The following CCDC88A variants were observed in gnomAD, a reference collection of about 807,000 sequenced individuals.
The protein encoded by CCDC88A is girdin.
In CCDC88A, 54 loss-of-function variants were observed where a neutral mutation model predicts 234.3. The ratio of observed to expected loss-of-function variants is 0.23; its 90% CI spans 0.19 to 0.29. The LOEUF (loss-of-function observed/expected upper bound fraction) is 0.29, where lower values mean the gene tolerates loss of function less well. Ranked by LOEUF, CCDC88A falls within the 10% of genes least tolerant of loss-of-function variation. CCDC88A has a pLI of 1.00. For missense variants in CCDC88A, 1,832 were observed against 2,123.4 expected, an observed-to-expected ratio of 0.86 and a Z score of 2.70; for synonymous variants, 753 against 737.8, an observed-to-expected ratio of 1.02 and a Z score of -0.33.
intron 15 of CCDC88A, among the ~76,000 whole-genome samples, chr2:55,333,647 T>C (rs956638980): frequency 6.6e-6 from 1 of 152,124 alleles, no homozygotes; most frequent in Non-Finnish European, 1.5e-5. Flanking sequence ...TTGTAAAGAT[T>C]ATGTGCATGT....
chr2:55,343,873 T>A, intron 11 of CCDC88A, 81 bp from the exon 12 acceptor site: 2 of 1,175,652 alleles, frequency 1.7e-6, no homozygotes, highest in Non-Finnish European at 2.3e-6. Flanking sequence ...TTCTCACAAC[T>A]TTTATTTATC....
Position 55,344,350 on chromosome 2 carries a change from C to A in CCDC88A, c.1188+18G>T. 7 of 1,538,844 alleles carry A rather than the reference C, an allele frequency of 4.5e-6. No individual in the cohort carries two copies. The highest frequency in any genetic ancestry group is 6.1e-6 in the Non-Finnish European group (7 of 1,140,536). ...TTTCCTTAAAGGCCATGTAACTGAT[C>A]TACCTCTTAAAACTTACCATTTCCA... is the stretch of plus-strand genomic sequence containing the variant. On this transcript the variant is annotated intron_variant, in intron 11 of 32. Transcript: ENST00000436346.
At chr2:55,339,863 T>C (rs1461289479) in intron 12 of CCDC88A, 5 of 396,626 alleles carry the variant, frequency 1.3e-5, no homozygotes, top group South Asian at 4.8e-5. Context: ...ACGGGGTCTC[T>C]CTCTGTCACC....
chr2:55,304,111 C>A (rs745486058), intron 25 of CCDC88A, among the ~76,000 whole-genome samples: 4 of 151,012 alleles, frequency 2.6e-5, no homozygotes, highest in Non-Finnish European at 4.4e-5. Context: ...GCGTTCAAGA[C>A]CAGCCTGGGC....
In CCDC88A at chr2:55,289,046, T is replaced by C. The variant is rs970643482; in HGVS notation, c.*2154A>G. 6.5e-6 allele frequency: 1 copy of C among 152,678 alleles called. No homozygotes were observed. Among genetic ancestry groups the C allele is most frequent in the Non-Finnish European group, 1.5e-5 (1 of 68,040 alleles). 9.5% of individuals were successfully genotyped at this position (152,678 alleles called of 1,614,324 possible). ...CAATGTGTTCCCTTGGTTGTCTCTT[T>C]AATTGTCCCTTCTCAGGGTCAGCCT... On this transcript the variant is annotated 3_prime_UTR_variant, in exon 33 of 33. Transcript: ENST00000436346.
At chr2:55,397,682 G>T (rs1439176745) in intron 2 of CCDC88A, among the ~76,000 whole-genome samples, 1 of 151,772 alleles carries the variant, frequency 6.6e-6, no homozygotes, top group African/African-American at 2.4e-5. Flanking sequence ...CCTTTAAAGT[G>T]ATTTTTTTCA....
Position 55,328,157 on chromosome 2 carries a change from C to G in CCDC88A, c.2997+137G>C, listed in dbSNP as rs142806114. 1,817 of 699,474 alleles carry G rather than the reference C, an allele frequency of 2.6e-3. 5 individuals carry two copies. The highest frequency in any genetic ancestry group is 2.7e-3 in the Non-Finnish European group (1,168 of 429,810). 43.3% of individuals were successfully genotyped at this position (699,474 alleles called of 1,614,324 possible). Reference sequence around the variant, plus strand: ...TGACAGAGATCTGTTTAAGAATATTCTCAAGTTTATGAAAAAGGAAGAAAT... The same window carrying G: ...TGACAGAGATCTGTTTAAGAATATTGTCAAGTTTATGAAAAAGGAAGAAAT... On this transcript the variant is annotated intron_variant, in intron 17 of 32. Coordinates refer to ENST00000436346, the MANE Select transcript of CCDC88A (RefSeq NM_001365480.1). This position sits in a 1 kb window ranked among gnomAD's most constrained non-coding sequence, Gnocchi z 4.3.
chr2:55,358,750 A>C (rs1050513587), intron 7 of CCDC88A, among the ~76,000 whole-genome samples: 1 of 151,792 alleles, frequency 6.6e-6, no homozygotes, highest in Non-Finnish European at 1.5e-5. Context: ...TATGTTCTTC[A>C]AAGATATACA....
intron 3 of CCDC88A, 129 bp downstream of exon 3, chr2:55,388,649 C>T: frequency 4.0e-6 from 2 of 498,632 alleles, no homozygotes; most frequent in Non-Finnish European, 7.1e-6. Context: ...ATTTACTACT[C>T]TAACTCTAGC....
At chr2:55,292,573 A>G (rs1395581115) in intron 31 of CCDC88A, 1 of 152,214 alleles carries the variant, frequency 6.6e-6, no homozygotes, top group Non-Finnish European at 1.5e-5. Flanking sequence ...ATGCTATGAA[A>G]AAACGTTGAT....
Position 55,317,375 on chromosome 2 carries a change from TATA to T in CCDC88A, c.3603-29_3603-27del, listed in dbSNP as rs1403589929. On this transcript the variant is annotated intron_variant, in intron 20 of 32. Transcript: ENST00000436346. The surrounding 1 kb of genome is among the most constrained non-coding windows in gnomAD (Gnocchi z 4.2). Reference sequence around the variant, plus strand: ...CTGGGGGGAAAAAAGGCATTTGGTTTATAATATTTACAAAAAAGAAATTTTAGA... The same window carrying T: ...CTGGGGGGAAAAAAGGCATTTGGTTTATATTTACAAAAAAGAAATTTTAGA... The T allele has an allele frequency of 7.0e-7, 1 of 1,424,432 alleles. No individual in the cohort carries two copies. Among genetic ancestry groups the T allele is most frequent in the Non-Finnish European group, 9.3e-7 (1 of 1,077,564 alleles). 88.2% of individuals were successfully genotyped at this position (1,424,432 alleles called of 1,614,324 possible).
In CCDC88A at chr2:55,335,588, T is replaced by C. The variant is rs1288588938; in HGVS notation, c.1657-424A>G. On this transcript the variant is annotated intron_variant, in intron 14 of 32. Transcript: ENST00000436346. This position sits in a 1 kb window ranked among gnomAD's most constrained non-coding sequence, Gnocchi z 4.5. ...ATGCCTACAGTGGGTCCTCAGTAAATATGTGCTGTATTACATGTGTATATA... is the reference window on the plus strand; with the variant it reads ...ATGCCTACAGTGGGTCCTCAGTAAACATGTGCTGTATTACATGTGTATATA... Among the ~76,000 whole-genome samples the C allele has an allele frequency of 1.3e-5, 2 of 152,194 alleles. No individual in the cohort carries two copies. Among genetic ancestry groups the C allele is most frequent in the African/African-American group, 4.8e-5 (2 of 41,452 alleles).
At position 55,335,174 on chromosome 2, in the gene CCDC88A, A is replaced by G; in HGVS notation, c.1657-10T>C. 6.9e-7 allele frequency: 1 copy of G among 1,442,572 alleles called. No homozygotes were observed. The highest frequency in any genetic ancestry group is 1.9e-4 in the Middle Eastern group (1 of 5,172). 89.4% of individuals were successfully genotyped at this position (1,442,572 alleles called of 1,614,324 possible). On this transcript the variant is annotated splice_polypyrimidine_tract_variant and intron_variant, in intron 14 of 32. Coordinates refer to ENST00000436346, the MANE Select transcript of CCDC88A (RefSeq NM_001365480.1). This position sits in a 1 kb window ranked among gnomAD's most constrained non-coding sequence, Gnocchi z 4.5. ...GTTCCAGTATCTTAATCTAATTTGA[A>G]AAGAAAATAATTAAAAGCTGTAATT...
intron 5 of CCDC88A, among the ~76,000 whole-genome samples, chr2:55,370,641 C>CAAAA (rs567431857): frequency 4.2e-5 from 2 of 47,512 alleles, no homozygotes; most frequent in African/African-American, 6.1e-5. Flanking sequence ...AACTCTGTCT[C>CAAAA]AAAAAAAAAA....
chr2:55,321,313 G>T (rs1420512560), intron 18 of CCDC88A, among the ~76,000 whole-genome samples: 1 of 152,068 alleles, frequency 6.6e-6, no homozygotes. Flanking sequence ...AGCACTTTGG[G>T]ATGCCAAGGT....
rs779728802 is a variant in CCDC88A, at chr2:55,332,549, G to T, written c.2855+17C>A. On this transcript the variant is annotated intron_variant, in intron 16 of 32. Coordinates refer to ENST00000436346, the MANE Select transcript of CCDC88A (RefSeq NM_001365480.1). The surrounding 1 kb of genome is among the most constrained non-coding windows in gnomAD (Gnocchi z 4.5). ...AAAAAAATTTTCAACTGTTTGCCAA[G>T]TAGACTTAGTACTCACCTGTCATCA... The T allele has an allele frequency of 1.1e-5, 17 of 1,586,490 alleles. No individual in the cohort carries two copies. Among genetic ancestry groups the T allele is most frequent in the Admixed American group, 1.8e-5 (1 of 54,600 alleles).
rs373452601 is a variant in CCDC88A, at chr2:55,349,660, C to T, written c.801-61G>A. The T allele has an allele frequency of 4.4e-4, 486 of 1,105,916 alleles. 2 individuals carry two copies. The highest frequency in any genetic ancestry group is 5.9e-4 in the Non-Finnish European group (430 of 734,734). The allele number at this position is 1,105,916 out of a possible 1,614,324, so 68.5% of individuals were successfully genotyped here. A position where few individuals can be genotyped will look rare whatever the true frequency, so the allele number is the denominator to read the frequency against. Reference sequence around the variant, plus strand: ...TTTTGAAAACTGTGATCATCATCTGCGTTAATATAAATGTATCATCATCAC... The same window carrying T: ...TTTTGAAAACTGTGATCATCATCTGTGTTAATATAAATGTATCATCATCAC... On this transcript the variant is annotated intron_variant, in intron 8 of 32. Transcript: ENST00000436346.
intron 31 of CCDC88A, 172 bp downstream of exon 31, chr2:55,295,425 A>G (rs768731845): frequency 5.8e-6 from 9 of 1,550,832 alleles, no homozygotes; most frequent in Non-Finnish European, 7.8e-6. Context: ...AGGCATCCTA[A>G]TAGTGGCAAA....
intron 15 of CCDC88A, among the ~76,000 whole-genome samples, chr2:55,333,272 CT>C (rs1328875920): frequency 2.6e-5 from 4 of 152,116 alleles, no homozygotes; most frequent in African/African-American, 9.7e-5. Flanking sequence ...TTAAATTGAA[CT>C]TAAAGGGTTA....
Sources: gnomAD v4.1 joint callset for allele counts (sites outside exome capture counted in the v4.1 genomes callset) on GRCh38, gnomAD v4.1.1 for gene constraint, Gnocchi (gnomAD v3.1) non-coding constraint, MANE v1.5 for transcripts, NCBI Gene and HGNC (gene_info 2026-07-23, HGNC 2026-07-21) for gene names.